The following GARNL3 variants were observed in gnomAD, a reference collection of about 807,000 sequenced individuals.
GARNL3 encodes the protein GTPase-activating Rap/Ran-GAP domain-like protein 3.
In GARNL3, 63 loss-of-function variants were observed where a neutral mutation model predicts 125.0. The observed-to-expected ratio is 0.50, with a 90% CI of 0.41 to 0.62. The LOEUF is 0.62. GARNL3 is among the 20% of genes least tolerant of loss of function. The probability of loss-of-function intolerance (pLI) is 0.00; values close to 1 mark genes in which losing one functional copy is unlikely to be tolerated. For missense variants in GARNL3, 994 were observed against 1,244.0 expected (o/e 0.80, Z 3.02); for synonymous variants, 439 against 457.5 (o/e 0.96, Z 0.52).
chr9:127,295,925 A>G (rs2131389116), intron 2 of GARNL3, among the ~76,000 whole-genome samples: 1 of 152,266 alleles, frequency 6.6e-6, no homozygotes, highest in Admixed American at 6.5e-5. Context: ...TGAAATAATT[A>G]TACTACTCAT....
intron 4 of GARNL3, among the ~76,000 whole-genome samples, chr9:127,316,160 C>A (rs2065235162): frequency 6.6e-6 from 1 of 152,198 alleles, no homozygotes; most frequent in Non-Finnish European, 1.5e-5. Flanking sequence ...ACATAGGCAG[C>A]TCATGAAGGT....
chr9:127,300,110 G>T, intron 2 of GARNL3: 1 of 320,812 alleles, frequency 3.1e-6, no homozygotes, highest in South Asian at 3.6e-5. Context: ...ACTTCTCCAA[G>T]ATCTTCAGTG....
intron 1 of GARNL3, among the ~76,000 whole-genome samples, chr9:127,271,516 A>G (rs2063824035): frequency 6.6e-6 from 1 of 150,438 alleles, no homozygotes; most frequent in Non-Finnish European, 1.5e-5. Flanking sequence ...TCAAAAGCAT[A>G]TGCCATTTTT....
chr9:127,240,952 A>G (rs2063192772), intron 1 of GARNL3, among the ~76,000 whole-genome samples: 1 of 152,280 alleles, frequency 6.6e-6, no homozygotes, highest in African/African-American at 2.4e-5. Flanking sequence ...GTGTATTTAT[A>G]TCATTCAACA....
At chr9:127,323,226 C>G (rs950916328) in intron 6 of GARNL3, among the ~76,000 whole-genome samples, 64 of 152,086 alleles carry the variant, frequency 4.2e-4, no homozygotes, top group African/African-American at 1.5e-3. Context: ...CACTAGAAAG[C>G]AGCAAAAAAG....
intron 7 of GARNL3, among the ~76,000 whole-genome samples, chr9:127,328,188 C>T (rs945714388): frequency 1.3e-5 from 2 of 152,134 alleles, no homozygotes; most frequent in African/African-American, 4.8e-5. Context: ...AAATAAGTTG[C>T]TGATCTCTTT....
chr9:127,255,157 T>C (rs2063476233), intron 2 of GARNL3, among the ~76,000 whole-genome samples: 1 of 152,204 alleles, frequency 6.6e-6, no homozygotes. Flanking sequence ...GGGTATGGAA[T>C]CTAGGGATAT....
At chr9:127,338,182 G>T (rs756831129) in intron 12 of GARNL3, 21 bp downstream of exon 12, 1 of 1,572,984 alleles carries the variant, frequency 6.4e-7, no homozygotes, top group Non-Finnish European at 8.8e-7. Flanking sequence ...ACTTTGTCTC[G>T]ATTGCTTGTC....
chr9:127,333,017 C>T lies in GARNL3; in HGVS notation c.671-6C>T. ...TACTTTCCTCATACTCTACTTCTTC[C>T]TGCAGAAATTGGAAGCGAGCCTTTT... On this transcript the variant is annotated splice_polypyrimidine_tract_variant and splice_region_variant and intron_variant, in intron 8 of 27. Coordinates refer to ENST00000373387, the MANE Select transcript of GARNL3 (RefSeq NM_032293.5). The T allele has an allele frequency of 6.2e-7, 1 of 1,603,016 alleles. No homozygotes were observed. Among genetic ancestry groups the T allele is most frequent in the Non-Finnish European group, 8.5e-7 (1 of 1,169,892 alleles).
At chr9:127,268,220 A>T (rs115631848) in intron 1 of GARNL3, among the ~76,000 whole-genome samples, 1 of 152,298 alleles carries the variant, frequency 6.6e-6, no homozygotes, top group African/African-American at 2.4e-5. Flanking sequence ...GCTGTGTTGT[A>T]TCTGGATCTC....
At chr9:127,295,230 T>A (rs1163726361) in intron 2 of GARNL3, among the ~76,000 whole-genome samples, 1 of 152,234 alleles carries the variant, frequency 6.6e-6, no homozygotes, top group Non-Finnish European at 1.5e-5. Flanking sequence ...GTCAGAACAC[T>A]GTAAAGGTTT....
intron 7 of GARNL3, among the ~76,000 whole-genome samples, chr9:127,326,857 A>G (rs72766253): frequency 0.14 from 21,651 of 152,130 alleles, 1,953 homozygotes; most frequent in East Asian, 0.21. Flanking sequence ...GCCACCATCT[A>G]TTAACCCAGA....
At chr9:127,340,380 T>C (rs1829799377) in intron 13 of GARNL3, among the ~76,000 whole-genome samples, 3 of 152,090 alleles carry the variant, frequency 2.0e-5, no homozygotes, top group African/African-American at 7.2e-5. Context: ...GGGAATTATT[T>C]CTGGTAGTCC....
chr9:127,328,708 C>G (rs1031468307), intron 7 of GARNL3, among the ~76,000 whole-genome samples: 10 of 152,154 alleles, frequency 6.6e-5, no homozygotes, highest in African/African-American at 2.2e-4. Context: ...AAAAATTCTT[C>G]TGGAATCATT....
intron 1 of GARNL3, among the ~76,000 whole-genome samples, chr9:127,233,343 G>A (rs1240014023): frequency 6.6e-6 from 1 of 152,194 alleles, no homozygotes; most frequent in Non-Finnish European, 1.5e-5. Flanking sequence ...ATGCTGATTG[G>A]CTGGGCCTGG....
upstream of GARNL3, among the ~76,000 whole-genome samples, chr9:127,260,288 A>C (rs1402255333): frequency 6.6e-6 from 1 of 152,208 alleles, no homozygotes; most frequent in Non-Finnish European, 1.5e-5. Flanking sequence ...CATCTGGAAA[A>C]GGAATATGTT....
chr9:127,353,996 T>C lies in GARNL3; in HGVS notation c.1642+52T>C, dbSNP rs750114421. On this transcript the variant is annotated intron_variant, in intron 18 of 27. Transcript: ENST00000373387. ...TGTGGAGGAAGGAAAACAGTTGCCT[T>C]CTGCGGCCCACACCACAGGTCGCCA... 4.1e-6 allele frequency: 5 copies of C among 1,224,374 alleles called. No individual in the cohort carries two copies. The South Asian group carries it at 6.1e-5, about 15-fold the overall frequency. The allele number at this position is 1,224,374 out of a possible 1,614,324, so 75.8% of individuals were successfully genotyped here.
intron 2 of GARNL3, among the ~76,000 whole-genome samples, chr9:127,308,700 GACA>G (rs1248458130): frequency 6.6e-6 from 1 of 152,162 alleles, no homozygotes; most frequent in Non-Finnish European, 1.5e-5. Flanking sequence ...TGACTCAACT[GACA>G]ACATTAGAAT....
chr9:127,232,587 G>A (rs1248413105), intron 1 of GARNL3, among the ~76,000 whole-genome samples: 2 of 152,178 alleles, frequency 1.3e-5, no homozygotes, highest in Non-Finnish European at 2.9e-5. Context: ...AGGATTACAG[G>A]CATGAGGCAC....
Sources: gnomAD v4.1 joint callset for allele counts (sites outside exome capture counted in the v4.1 genomes callset) on GRCh38, gnomAD v4.1.1 for gene constraint, MANE v1.5 for transcripts, NCBI Gene and HGNC (gene_info 2026-07-23, HGNC 2026-07-21) for gene names.